CCDC150: variants seen among roughly 807,000 people sequenced by gnomAD.
CCDC150 encodes coiled-coil domain-containing protein 150.
In CCDC150, 151 loss-of-function variants were observed where a neutral mutation model predicts 156.5. That is an observed-to-expected ratio of 0.97 (90% CI 0.85 to 1.10). The LOEUF (loss-of-function observed/expected upper bound fraction) is 1.10, where lower values mean the gene tolerates loss of function less well. Ranked by LOEUF, CCDC150 falls within the 50% of genes least tolerant of loss-of-function variation. CCDC150 has a pLI of 0.00. For missense variants in CCDC150, 1,312 were observed against 1,268.1 expected, an observed-to-expected ratio of 1.03 and a Z score of -0.53; for synonymous variants, 452 against 429.4, an observed-to-expected ratio of 1.05 and a Z score of -0.65.
chr2:196,720,759 G>C (rs1206539855), intron 20 of CCDC150, 91 bp downstream of exon 20: 1 of 1,115,372 alleles, frequency 9.0e-7, no homozygotes, highest in Admixed American at 2.4e-5. Context: ...GAAACTATCA[G>C]GTAAATGTTT....
At chr2:196,702,443 C>T (rs1326845432) in intron 15 of CCDC150, among the ~76,000 whole-genome samples, 1 of 151,638 alleles carries the variant, frequency 6.6e-6, no homozygotes, top group East Asian at 1.9e-4. Context: ...TTGCTGCAGC[C>T]TCTGCCTTCC....
At chr2:196,697,803 A>G (rs146819260) in intron 14 of CCDC150, among the ~76,000 whole-genome samples, 1,533 of 152,308 alleles carry the variant, frequency 0.01, 11 homozygotes, top group Middle Eastern at 0.037. Context: ...TAACTTGTAC[A>G]GCTCACCTAG....
Position 196,709,236 on chromosome 2 carries a change from G to A in CCDC150, c.1696-2909G>A, listed in dbSNP as rs140501453. Among the ~76,000 whole-genome samples the A allele has an allele frequency of 7.6e-3, 1,153 of 151,968 alleles. 4 individuals are homozygous for A. The highest frequency in any genetic ancestry group is 0.011 in the Non-Finnish European group (781 of 67,980). On this transcript the variant is annotated intron_variant, in intron 15 of 27. Coordinates refer to ENST00000389175, the MANE Select transcript of CCDC150 (RefSeq NM_001080539.2). The stretch of plus-strand genomic sequence containing the variant: ...CTTTTTTCTCTAAACTTCTCTTCTC[G>A]CTTTATTTCACTGATTTGATCTTCA...
intron 18 of CCDC150, among the ~76,000 whole-genome samples, chr2:196,718,843 T>A (rs1559273048): frequency 6.6e-6 from 1 of 152,192 alleles, no homozygotes; most frequent in Admixed American, 6.5e-5. Flanking sequence ...GTTTTTTTTT[T>A]AACTTTCTGT....
rs1331661244 is a variant in CCDC150 at position 196,677,303 on chromosome 2, CA to C, written c.1452del (p.Glu485LysfsTer4). The C allele has an allele frequency of 1.9e-6, 3 of 1,568,394 alleles. No individual in the cohort carries two copies. The highest frequency in any genetic ancestry group is 1.9e-5 in the Admixed American group (1 of 53,314). On this transcript the variant is annotated frameshift_variant, in exon 13 of 28. Transcript: ENST00000389175. LOFTEE classifies it high-confidence loss of function. The stretch of plus-strand genomic sequence containing the variant: ...ATCCTCCTTGGGCAGGTTAATAAAA[CA>C]GAAAAAGAAATAGTGCAAGAAAGAT... ...KERFQREVNK[T>X]EKEIVQERCN...
Position 196,729,276 on chromosome 2 carries a change from G to T in CCDC150, c.2640G>T (p.Glu880Asp). 1.2e-6 allele frequency: 2 copies of T among 1,613,744 alleles called. No homozygotes were observed. Among genetic ancestry groups the T allele is most frequent in the Non-Finnish European group, 1.7e-6 (2 of 1,179,824 alleles). ...GAGAGCTGCGACAGAAACTTGCAGA[G>T]CTAGAAAAAATACTAGAAAGTAACA... ...TNRELRQKLAELEKILESNKE... is the reference protein window; with the variant it reads ...TNRELRQKLADLEKILESNKE... The change falls in exon 23 of 28, where the codon GAG becomes GAT. Residue 880 changes from glutamate (E) to aspartate (D), a missense_variant. Coordinates refer to ENST00000389175, the MANE Select transcript of CCDC150 (RefSeq NM_001080539.2).
intron 17 of CCDC150, chr2:196,713,517 T>C (rs1412350221): frequency 6.4e-7 from 1 of 1,550,580 alleles, no homozygotes; most frequent in Admixed American, 2.0e-5. Context: ...GCACCTAACC[T>C]GCCTTCTATG....
chr2:196,675,353 T>C (rs1325039079), intron 10 of CCDC150, among the ~76,000 whole-genome samples: 1 of 152,118 alleles, frequency 6.6e-6, no homozygotes, highest in African/African-American at 2.4e-5. Flanking sequence ...GTGGACTGAA[T>C]ATATAGTGAA....
chr2:196,732,689 G>C lies in CCDC150; in HGVS notation c.*127G>C, dbSNP rs1698588028. On this transcript the variant is annotated 3_prime_UTR_variant, in exon 28 of 28. Transcript: ENST00000389175. ...TCTTTGATGTGGGCTGAAGATTTTG[G>C]ACCTGAGTTTATCACTTTATGAACT... The C allele has an allele frequency of 1.5e-6, 1 of 660,268 alleles. No homozygotes were observed. The highest frequency in any genetic ancestry group is 2.7e-6 in the Non-Finnish European group (1 of 372,978). The allele number at this position is 660,268 out of a possible 1,614,324, so 40.9% of individuals were successfully genotyped here. A position where few individuals can be genotyped will look rare whatever the true frequency, so the allele number is the denominator to read the frequency against.
chr2:196,646,793 TAAA>T (rs1166059921), intron 2 of CCDC150, among the ~76,000 whole-genome samples: 1 of 146,112 alleles, frequency 6.8e-6, no homozygotes, highest in Admixed American at 7.2e-5. Flanking sequence ...TTTCATGTAA[TAAA>T]AAAAGATTTG....
intron 2 of CCDC150, among the ~76,000 whole-genome samples, chr2:196,654,195 A>G (rs370112725): frequency 6.6e-6 from 1 of 152,110 alleles, no homozygotes; most frequent in East Asian, 1.9e-4. Flanking sequence ...CATCCACACT[A>G]TGTAAGTGTC....
intron 25 of CCDC150, 145 bp from the exon 26 acceptor site, chr2:196,730,714 T>C: frequency 3.2e-6 from 2 of 628,346 alleles, no homozygotes; most frequent in Non-Finnish European, 5.7e-6. Context: ...AATAACAGTT[T>C]TTATCTCATA....
intron 6 of CCDC150, among the ~76,000 whole-genome samples, 179 bp downstream of exon 6, chr2:196,665,862 A>G (rs1693813240): frequency 6.6e-6 from 1 of 152,208 alleles, no homozygotes. Context: ...AAAATAAGAA[A>G]GACCCTAATG....
chr2:196,714,649 C>G (rs1033574973), intron 17 of CCDC150, among the ~76,000 whole-genome samples: 4 of 152,106 alleles, frequency 2.6e-5, no homozygotes, highest in African/African-American at 9.7e-5. Context: ...TTTCCTGTCC[C>G]CAGACCTTGG....
intron 13 of CCDC150, among the ~76,000 whole-genome samples, chr2:196,687,067 C>A (rs147291765): frequency 6.6e-6 from 1 of 152,160 alleles, no homozygotes; most frequent in Non-Finnish European, 1.5e-5. Flanking sequence ...CTCCAGTGAA[C>A]ATACACACAT....
intron 13 of CCDC150, among the ~76,000 whole-genome samples, chr2:196,691,974 G>T: frequency 6.6e-6 from 1 of 152,024 alleles, no homozygotes; most frequent in East Asian, 1.9e-4. Context: ...TGGATTTGTT[G>T]ATCTCTTGAA....
intron 14 of CCDC150, among the ~76,000 whole-genome samples, chr2:196,698,840 CT>C (rs1559253322): frequency 6.6e-6 from 1 of 152,190 alleles, no homozygotes; most frequent in African/African-American, 2.4e-5. Context: ...TCCCTCCCCC[CT>C]CTCCCCACCC....
intron 13 of CCDC150, among the ~76,000 whole-genome samples, chr2:196,691,885 G>C (rs1432116110): frequency 1.3e-5 from 2 of 152,062 alleles, no homozygotes. Flanking sequence ...AGGTTGTAGT[G>C]AGCTGAGATT....
intron 15 of CCDC150, among the ~76,000 whole-genome samples, chr2:196,702,343 C>CTGTGTGTGTG (rs3220631): frequency 0.077 from 11,080 of 143,658 alleles, 494 homozygotes; most frequent in Admixed American, 0.1. Flanking sequence ...GACTGAAGTG[C>CTGTGTGTGTG]TGTGTGTGTG....
Sources: gnomAD v4.1 joint callset for allele counts (sites outside exome capture counted in the v4.1 genomes callset) on GRCh38, gnomAD v4.1.1 for gene constraint, MANE v1.5 for transcripts, NCBI Gene and HGNC (gene_info 2026-07-23, HGNC 2026-07-21) for gene names.